SLC27A5: variants seen among roughly 807,000 people sequenced by gnomAD.
SLC27A5 encodes the protein long-chain fatty acid transport protein 5.
Under a neutral mutation model 63.1 loss-of-function variants are expected in SLC27A5, and 47 were observed. The observed-to-expected ratio is 0.74, with a 90% CI of 0.59 to 0.95. The LOEUF (loss-of-function observed/expected upper bound fraction) is 0.95. Ranked by LOEUF, SLC27A5 falls within the 40% of genes least tolerant of loss-of-function variation. The pLI is 0.00. For missense variants in SLC27A5, 940 were observed against 921.0 expected (o/e 1.02, Z -0.27); for synonymous variants, 391 against 403.8 (o/e 0.97, Z 0.38).
chr19:58,502,924 T>G (rs941429018), intron 3 of SLC27A5, among the ~76,000 whole-genome samples: 15 of 151,956 alleles, frequency 9.9e-5, no homozygotes, highest in Non-Finnish European at 1.9e-4. Context: ...GATGGATAGG[T>G]GGCTGGGTGA....
At chr19:58,507,022 C>T (rs1285859069) in intron 3 of SLC27A5, among the ~76,000 whole-genome samples, 1 of 151,270 alleles carries the variant, frequency 6.6e-6, no homozygotes, top group Admixed American at 6.6e-5. Flanking sequence ...GGATTACAGG[C>T]GTGAACCACC....
intron 3 of SLC27A5, among the ~76,000 whole-genome samples, chr19:58,501,779 T>C (rs996418798): frequency 2.0e-5 from 3 of 152,248 alleles, no homozygotes; most frequent in African/African-American, 7.2e-5. Context: ...GTTCAAGCGA[T>C]TCTCCTGCCT....
intron 3 of SLC27A5, chr19:58,508,749 C>G (rs1192899651): frequency 6.6e-6 from 1 of 151,278 alleles, no homozygotes; most frequent in Admixed American, 6.6e-5. Flanking sequence ...GCATGAGCAA[C>G]CACACATGGC....
Position 58,498,432 on chromosome 19 carries a change from A to G in SLC27A5, c.*83T>C. ...GGTATGGCCAGGCTGGGATTCACAC[A>G]GGCCCAGGATGAAAGGGACACCGAG... On this transcript the variant is annotated 3_prime_UTR_variant, in exon 10 of 10. Coordinates refer to ENST00000263093, the MANE Select transcript of SLC27A5 (RefSeq NM_012254.3). 1.4e-6 allele frequency: 2 copies of G among 1,402,380 alleles called. No homozygotes were observed. The highest frequency in any genetic ancestry group is 2.7e-5 in the South Asian group (2 of 73,720). 86.9% of individuals were successfully genotyped at this position (1,402,380 alleles called of 1,614,324 possible). A position where few individuals can be genotyped will look rare whatever the true frequency, so the allele number is the denominator to read the frequency against.
At chr19:58,504,001 A>G (rs2053313677) in intron 3 of SLC27A5, among the ~76,000 whole-genome samples, 1 of 151,622 alleles carries the variant, frequency 6.6e-6, no homozygotes, top group Admixed American at 6.6e-5. Flanking sequence ...TGTAATCACA[A>G]CTGCTCAGGA....
In SLC27A5 at chr19:58,510,800, G is replaced by T; in HGVS notation, c.819C>A (p.Ser273=). The change falls in exon 2 of 10, where the codon TCC becomes TCA. Residue 273 remains serine, a synonymous_variant. Transcript: ENST00000263093. ...ALGAALDAAP[S]HPVPADLRAG... is the part of the protein sequence containing the mutation. ...CACGCAGGTCAGCAGGCACTGGGTG[G>T]GAGGGCGCTGCATCCAGGGCAGCCC... is the stretch of plus-strand genomic sequence containing the variant. The T allele has an allele frequency of 6.2e-7, 1 of 1,613,620 alleles. No individual in the cohort carries two copies.
At chr19:58,499,076 C>A (rs773830618) in intron 8 of SLC27A5, 47 bp downstream of exon 8, 2 of 1,609,608 alleles carry the variant, frequency 1.2e-6, no homozygotes, top group Non-Finnish European at 1.7e-6. Flanking sequence ...ATAACGACCC[C>A]TCCACCCACA....
rs2122535637 is a variant in SLC27A5, at chr19:58,511,984, C to T, written c.-29G>A. 1 of 1,509,606 alleles carries T rather than the reference C, an allele frequency of 6.6e-7. No homozygotes were observed. The highest frequency in any genetic ancestry group is 2.5e-5 in the East Asian group (1 of 40,458). 93.5% of individuals were successfully genotyped at this position (1,509,606 alleles called of 1,614,324 possible). A position where few individuals can be genotyped will look rare whatever the true frequency, so the allele number is the denominator to read the frequency against. On this transcript the variant is annotated 5_prime_UTR_variant, in exon 1 of 10. Coordinates refer to ENST00000263093, the MANE Select transcript of SLC27A5 (RefSeq NM_012254.3). ...ACCAGCTCCTCCCTAGGAGCAGCAG[C>T]TGTGGAGTGTTCAGGCTCACCTCTG...
In SLC27A5 at chr19:58,498,585, C is replaced by G. The variant is rs1205326255; in HGVS notation, c.2003G>C (p.Arg668Pro). The G allele has an allele frequency of 1.2e-6, 2 of 1,613,942 alleles. No individual in the cohort carries two copies. The highest frequency in any genetic ancestry group is 1.7e-6 in the Non-Finnish European group (2 of 1,180,010). ...VVDPLFVLDN[R>P]AQSFRPLTAE... ...CGTCAGGGGCCGGAAGGACTGGGCC[C>G]GGTTGTCCAGTACAAACAGAGGGTC... is the stretch of plus-strand genomic sequence containing the variant. Residue 668 changes from arginine (R) to proline (P), a missense_variant, in exon 10 of 10, where the codon CGG (arginine) becomes CCG (proline). Transcript: ENST00000263093.
chr19:58,503,682 T>G (rs1199559799), intron 3 of SLC27A5, among the ~76,000 whole-genome samples: 1 of 150,844 alleles, frequency 6.6e-6, no homozygotes, highest in Non-Finnish European at 1.5e-5. Flanking sequence ...AGAAAAAAAC[T>G]GAATCTAACA....
chr19:58,504,616 C>T, intron 3 of SLC27A5, among the ~76,000 whole-genome samples: 4 of 142,156 alleles, frequency 2.8e-5, no homozygotes, highest in Admixed American at 7.3e-5. Flanking sequence ...TGCGGTGACC[C>T]AAGATGGTGC....
chr19:58,510,579 A>G, intron 2 of SLC27A5, 142 bp downstream of exon 2: 1 of 808,220 alleles, frequency 1.2e-6, no homozygotes, highest in African/African-American at 1.8e-5. Context: ...GCCTCGAAAA[A>G]AAAAACAGCC....
chr19:58,504,608 C>T (rs979021991), intron 3 of SLC27A5, among the ~76,000 whole-genome samples: 6 of 127,600 alleles, frequency 4.7e-5, no homozygotes, highest in Admixed American at 1.8e-4. Context: ...GCGGAGCTTG[C>T]GGTGACCCAA....
chr19:58,501,235 G>A (rs1216624606), intron 4 of SLC27A5, 51 bp downstream of exon 4: 1 of 1,590,034 alleles, frequency 6.3e-7, no homozygotes, highest in South Asian at 1.1e-5. Context: ...ACCTTTACCT[G>A]GGATTTCATA....
rs112213200 is a variant in SLC27A5, at chr19:58,498,336, T to G, written c.*179A>C. ...TCATCCACGCAGACATACAGACTTC[T>G]GTGAACACATCTGAGTTTATTCTGC... On this transcript the variant is annotated 3_prime_UTR_variant, in exon 10 of 10. Transcript: ENST00000263093. 23 of 642,678 alleles carry G rather than the reference T, an allele frequency of 3.6e-5. No homozygotes were observed. Among genetic ancestry groups the G allele is most frequent in the African/African-American group, 2.4e-4 (13 of 54,812 alleles). 39.8% of individuals were successfully genotyped at this position (642,678 alleles called of 1,614,324 possible). A position where few individuals can be genotyped will look rare whatever the true frequency, so the allele number is the denominator to read the frequency against.
At chr19:58,501,189 AGGG>A in intron 4 of SLC27A5, 94 bp downstream of exon 4, 1 of 1,475,284 alleles carries the variant, frequency 6.8e-7, no homozygotes. Context: ...GTATTATCTG[AGGG>A]ACTTGAGTTC....
chr19:58,510,910 C>A lies in SLC27A5; in HGVS notation c.709G>T (p.Glu237Ter). 1 of 1,607,824 alleles carries A rather than the reference C, an allele frequency of 6.2e-7. No individual in the cohort carries two copies. The change falls in exon 2 of 10, where the codon GAG (glutamate) becomes TAG (stop). Residue 237 changes from glutamate (E) to a stop codon, truncating the protein, a stop_gained. Coordinates refer to ENST00000263093, the MANE Select transcript of SLC27A5 (RefSeq NM_012254.3). LOFTEE classifies it high-confidence loss of function. Reference sequence around the variant, plus strand: ...TCAGCCTGCAGCTTGGGAAGGATCTCCTCCAGGCTCTCCCGGAGGTCTGCA... The same window carrying A: ...TCAGCCTGCAGCTTGGGAAGGATCTACTCCAGGCTCTCCCGGAGGTCTGCA... ...VDPDLRESLE[E>*]ILPKLQAENI...
At chr19:58,507,587 C>G (rs2053361621) in intron 3 of SLC27A5, 1 of 152,128 alleles carries the variant, frequency 6.6e-6, no homozygotes, top group African/African-American at 2.4e-5. Context: ...TTTTAGGGAA[C>G]AAGGGAAGAC....
intron 3 of SLC27A5, among the ~76,000 whole-genome samples, chr19:58,502,940 G>GAC (rs201350843): frequency 5.8e-4 from 88 of 151,852 alleles, no homozygotes; most frequent in Middle Eastern, 3.4e-3. Context: ...GGTGAGGATC[G>GAC]TCACGCCTGT....
Sources: gnomAD v4.1 joint callset for allele counts (sites outside exome capture counted in the v4.1 genomes callset) on GRCh38, gnomAD v4.1.1 for gene constraint, MANE v1.5 for transcripts, NCBI Gene and HGNC (gene_info 2026-07-23, HGNC 2026-07-21) for gene names.